Variants in USP6 observed in about 807,000 individuals in gnomAD.
USP6 encodes ubiquitin specific peptidase 6.
Under a neutral mutation model 175.7 loss-of-function variants are expected in USP6, and 128 were observed. The ratio of observed to expected loss-of-function variants is 0.73; its 90% CI spans 0.63 to 0.84. The LOEUF (loss-of-function observed/expected upper bound fraction) is 0.84. Ranked by LOEUF, USP6 falls within the 40% of genes least tolerant of loss-of-function variation. The probability of loss-of-function intolerance (pLI) is 0.00; values close to 1 mark genes in which losing one functional copy is unlikely to be tolerated. For missense variants in USP6, 1,498 were observed against 1,760.3 expected (o/e 0.85, Z 2.67); for synonymous variants, 562 against 630.6 (o/e 0.89, Z 1.63).
intron 31 of USP6, among the ~76,000 whole-genome samples, chr17:5,158,569 A>AAGAGAG (rs1208173119): frequency 7.4e-6 from 1 of 135,904 alleles, no homozygotes; most frequent in Non-Finnish European, 1.6e-5. Context: ...TCTGTCTCAA[A>AAGAGAG]AGAGAGAGAG....
intron 1 of USP6, 134 bp from the exon 2 acceptor site, chr17:5,118,066 C>T (rs896407067): frequency 1.0e-4 from 14 of 139,968 alleles, no homozygotes; most frequent in African/African-American, 3.2e-4. Flanking sequence ...GGGACTCCGT[C>T]TCAAAAAAAA....
chr17:5,153,706 A>G (rs1381111793), intron 30 of USP6, among the ~76,000 whole-genome samples: 1 of 151,228 alleles, frequency 6.6e-6, no homozygotes, highest in East Asian at 1.9e-4. Context: ...CCCAGGCTGG[A>G]GTGCAATGGC....
At position 5,139,550 on chromosome 17, in the gene USP6, A is replaced by G. The variant is rs2073377711; in HGVS notation, c.1374A>G (p.Pro458=). The change falls in exon 22 of 38, where the codon CCA becomes CCG. Residue 458 remains proline (P), a synonymous_variant. Transcript: ENST00000574788. ...AGTGGAAGTCAATGCCCCGGCTCCC[A>G]ACGGACCTGGATATAGGGGGCCCTT... ...FLEWKSMPRL[P]TDLDIGGPWF... The G allele has an allele frequency of 1.9e-6, 3 of 1,613,760 alleles. No individual in the cohort carries two copies. Among genetic ancestry groups the G allele is most frequent in the Non-Finnish European group, 2.5e-6 (3 of 1,179,998 alleles).
chr17:5,148,735 A>G lies in USP6; in HGVS notation c.2611A>G (p.Thr871Ala), dbSNP rs1021666745. The change falls in exon 30 of 38, where the codon ACA becomes GCA. Residue 871 changes from threonine (T) to alanine (A), a missense_variant. Physicochemically the swap from Thr to Ala is moderately conservative, Grantham distance 58. Around this residue, in one of 2 missense-constraint regions of USP6, gnomAD observed 1,217 missense variants for 1,500.8 expected, o/e 0.81. Transcript: ENST00000574788. The stretch of plus-strand genomic sequence containing the variant: ...GCCATCTCTTCCTGACAGCCCCTTT[A>G]CAGGTTACATCATTGCAGTCCACCG... The part of the protein sequence containing the change: ...HMPSLPDSPF[T>A]GYIIAVHRKM... The G allele has an allele frequency of 6.2e-7, 1 of 1,613,852 alleles. No homozygotes were observed.
Position 5,172,946 on chromosome 17 carries a change from T to A in USP6, c.4189T>A (p.Ser1397Thr). 2 of 1,613,890 alleles carry A rather than the reference T, an allele frequency of 1.2e-6. No individual in the cohort carries two copies. Among genetic ancestry groups the A allele is most frequent in the Non-Finnish European group, 1.7e-6 (2 of 1,179,848 alleles). The change falls in exon 38 of 38, where the codon TCT (serine) becomes ACT (threonine). Residue 1397 changes from serine (S) to threonine (T), a missense_variant. This residue lies in a region of USP6 where 1,217 missense variants were observed against 1,500.8 expected (regional missense o/e 0.81). Transcript: ENST00000574788. ...DTSSTDEDSESDYEKYSMLQ is the reference protein window; with the variant it reads ...DTSSTDEDSETDYEKYSMLQ ...AAGCAGTACGGATGAAGACTCTGAG[T>A]CTGATTACGAAAAGTACTCTATGTT...
rs748604801 is a variant in USP6 at position 5,133,958 on chromosome 17, C to A, written c.456C>A (p.Leu152=). Residue 152 remains leucine (L), a synonymous_variant, in exon 15 of 38, where the codon CTC becomes CTA. Coordinates refer to ENST00000574788, the MANE Select transcript of USP6 (RefSeq NM_001304284.2). Reference sequence around the variant, plus strand: ...TCGACCTGGACGTGAGGACGACTCTCCGGAACCATGTCTTCTTTAGGGATC... The same window carrying A: ...TCGACCTGGACGTGAGGACGACTCTACGGAACCATGTCTTCTTTAGGGATC... ...HHIDLDVRTT[L]RNHVFFRDRY... 3 of 1,614,138 alleles carry A rather than the reference C, an allele frequency of 1.9e-6. No homozygotes were observed. Among genetic ancestry groups the A allele is most frequent in the Non-Finnish European group, 2.5e-6 (3 of 1,180,020 alleles).
chr17:5,137,033 A>G, intron 18 of USP6, 88 bp from the exon 19 acceptor site: 1 of 1,413,808 alleles, frequency 7.1e-7, no homozygotes, highest in Non-Finnish European at 1.0e-6. Context: ...AGTGTTCTGC[A>G]CTAGGGGAAA....
intron 30 of USP6, among the ~76,000 whole-genome samples, chr17:5,154,664 C>CA (rs1807773822): frequency 6.6e-6 from 1 of 152,040 alleles, no homozygotes; most frequent in Non-Finnish European, 1.5e-5. Context: ...GCCACTCCAA[C>CA]AACCACTATC....
chr17:5,132,828 T>G lies in USP6; in HGVS notation c.196-82T>G. ...CCTTCCAGTTGGGTCCCACCAGGGC[T>G]CCAGAGCCCAAGACTCAGCATCCAT... On this transcript the variant is annotated intron_variant, in intron 12 of 37. Transcript: ENST00000574788. The surrounding 1 kb of genome is among the most constrained non-coding windows in gnomAD (Gnocchi z 4.7). The G allele has an allele frequency of 6.5e-7, 1 of 1,535,102 alleles. No individual in the cohort carries two copies. Among genetic ancestry groups the G allele is most frequent in the South Asian group, 1.1e-5 (1 of 89,534 alleles).
intron 35 of USP6, among the ~76,000 whole-genome samples, chr17:5,169,944 A>G (rs2074177377): frequency 6.6e-6 from 1 of 152,200 alleles, no homozygotes; most frequent in Non-Finnish European, 1.5e-5. Flanking sequence ...AATTCACATA[A>G]AAGTTCTAAA....
chr17:5,130,157 C>G, intron 9 of USP6, 68 bp downstream of exon 9: 1 of 577,058 alleles, frequency 1.7e-6, no homozygotes, highest in South Asian at 2.0e-5. Context: ...CTTCTCGAGT[C>G]CTTGGGAAGA....
chr17:5,136,662 G>T lies in USP6; in HGVS notation c.687G>T (p.Gly229=). 5 of 1,611,970 alleles carry T rather than the reference G, an allele frequency of 3.1e-6. No individual in the cohort carries two copies. Among genetic ancestry groups the T allele is most frequent in the Non-Finnish European group, 4.2e-6 (5 of 1,179,718 alleles). Residue 229 remains glycine (G), a synonymous_variant, in exon 18 of 38, where the codon GGG becomes GGT. Transcript: ENST00000574788. The part of the protein sequence containing the change: ...SLPGFHSPNG[G]TVQGLQDQQE... ...CAGGATTCCACAGCCCAAATGGTGG[G>T]ACAGTCCAGGGGCTCCAAGACCAAC...
Position 5,141,453 on chromosome 17 carries a change from G to C in USP6, c.1527G>C (p.Glu509Asp). The change falls in exon 23 of 38, where the codon GAG becomes GAC. Residue 509 changes from glutamate (E) to aspartate (D), a missense_variant. By Grantham distance (45) the Glu-to-Asp change is conservative. Coordinates refer to ENST00000574788, the MANE Select transcript of USP6 (RefSeq NM_001304284.2). ...ACAACAAAGATATGAGTTGGCCTGA[G>C]GAGATGTCTTTTACAGCAAATAGTA... ...EVHNKDMSWP[E>D]EMSFTANSSK... The C allele has an allele frequency of 1.2e-6, 2 of 1,609,662 alleles. No homozygotes were observed. Among genetic ancestry groups the C allele is most frequent in the East Asian group, 4.5e-5 (2 of 44,724 alleles).
At chr17:5,144,393 A>G (rs2073547506) in intron 25 of USP6, among the ~76,000 whole-genome samples, 1 of 152,170 alleles carries the variant, frequency 6.6e-6, no homozygotes, top group Non-Finnish European at 1.5e-5. Context: ...ATGTGAGCAA[A>G]TGCTGTTTTA....
chr17:5,144,859 C>T lies in USP6; in HGVS notation c.1988C>T (p.Ala663Val). The T allele has an allele frequency of 1.3e-6, 2 of 1,593,460 alleles. No individual in the cohort carries two copies. The highest frequency in any genetic ancestry group is 1.7e-6 in the Non-Finnish European group (2 of 1,165,238). ...SDGRPDWEVA[A>V]EAWDNHLRRN... ...GGCCGACCAGACTGGGAAGTAGCTG[C>T]AGAGGTTTGTCAGTTTTGAGTTTCT... Residue 663 changes from alanine (A) to valine (V), a missense_variant, in exon 26 of 38, where the codon GCA (alanine) becomes GTA (valine). This residue lies in a region of USP6 where 1,217 missense variants were observed against 1,500.8 expected (regional missense o/e 0.81). Coordinates refer to ENST00000574788, the MANE Select transcript of USP6 (RefSeq NM_001304284.2).
chr17:5,141,478 A>G lies in USP6; in HGVS notation c.1552A>G (p.Ser518Gly), dbSNP rs750310617. ...PEEMSFTANS[S>G]KIDRQKVPTE... is the part of the protein sequence containing the mutation. ...GGAGATGTCTTTTACAGCAAATAGT[A>G]GTAAAATAGATAGACAAAAGGGTAA... The change falls in exon 23 of 38, where the codon AGT becomes GGT. Residue 518 changes from serine to glycine, a missense_variant. Coordinates refer to ENST00000574788, the MANE Select transcript of USP6 (RefSeq NM_001304284.2). 1.2e-6 allele frequency: 2 copies of G among 1,607,042 alleles called. No individual in the cohort carries two copies. The highest frequency in any genetic ancestry group is 2.3e-5 in the South Asian group (2 of 88,700).
chr17:5,144,311 G>A (rs1490840189), intron 25 of USP6, among the ~76,000 whole-genome samples: 2 of 151,672 alleles, frequency 1.3e-5, no homozygotes, highest in Non-Finnish European at 1.5e-5. Context: ...TATATATTAT[G>A]TACCTGTAAA....
At chr17:5,169,964 T>C (rs1202437263) in intron 35 of USP6, among the ~76,000 whole-genome samples, 1 of 152,086 alleles carries the variant, frequency 6.6e-6, no homozygotes, top group African/African-American at 2.4e-5. Flanking sequence ...AGGTTCTCAA[T>C]AATTTTTAAA....
chr17:5,132,784 G>A lies in USP6; in HGVS notation c.196-126G>A. ...TTGCTCAAAGGCTCTCAGCCCTTAGGGTCTGCCCTTCCCTGGCTCCTTCCA... is the reference window on the plus strand; with the variant it reads ...TTGCTCAAAGGCTCTCAGCCCTTAGAGTCTGCCCTTCCCTGGCTCCTTCCA... On this transcript the variant is annotated intron_variant, in intron 12 of 37. Coordinates refer to ENST00000574788, the MANE Select transcript of USP6 (RefSeq NM_001304284.2). The surrounding 1 kb of genome is among the most constrained non-coding windows in gnomAD (Gnocchi z 4.7). 2.5e-6 allele frequency: 3 copies of A among 1,216,228 alleles called. No individual in the cohort carries two copies. Among genetic ancestry groups the A allele is most frequent in the Non-Finnish European group, 3.6e-6 (3 of 824,378 alleles). The allele number at this position is 1,216,228 out of a possible 1,614,324, so 75.3% of individuals were successfully genotyped here. A position where few individuals can be genotyped will look rare whatever the true frequency, so the allele number is the denominator to read the frequency against.
Sources: allele counts gnomAD v4.1 joint callset (sites outside exome capture counted in the v4.1 genomes callset), GRCh38; gene constraint gnomAD v4.1.1; regional missense constraint gnomAD v4.1.1; non-coding constraint Gnocchi (gnomAD v3.1); transcripts MANE v1.5; gene names NCBI Gene and HGNC (gene_info 2026-07-23, HGNC 2026-07-21).